GNAI1: variants seen among roughly 807,000 people sequenced by gnomAD.
GNAI1 encodes the protein guanine nucleotide-binding protein G(i) subunit alpha-1.
GNAI1 carries 11 observed loss-of-function variants against 38.9 expected under a neutral mutation model. That is an observed-to-expected ratio of 0.28 (90% confidence interval 0.18 to 0.47). The LOEUF (loss-of-function observed/expected upper bound fraction) is 0.47. Ranked by LOEUF, GNAI1 falls within the 20% of genes least tolerant of loss-of-function variation. The pLI, the probability that GNAI1 is intolerant of heterozygous loss-of-function variation, is 0.99. For synonymous variants in GNAI1, 166 were observed against 145.1 expected (o/e 1.14, Z -1.04); for missense variants, 317 against 436.9 (o/e 0.73, Z 2.45).
rs564186731 is a variant in GNAI1 at position 80,164,289 on chromosome 7, C to T, written c.119-24662C>T. On this transcript the variant is annotated intron_variant, in intron 1 of 7. Coordinates refer to ENST00000649796, the MANE Select transcript of GNAI1 (RefSeq NM_002069.6). ...CATCTCTTGACCTCGTGAGCTGCCA[C>T]CTCGGCCTCCCAAAGTGCTGGGATT... Among the ~76,000 whole-genome samples, 11 of 151,006 alleles carry T rather than the reference C, an allele frequency of 7.3e-5. No homozygotes were observed. In the East Asian group the frequency reaches 1.8e-3, roughly 24 times the overall value.
intron 1 of GNAI1, among the ~76,000 whole-genome samples, chr7:80,157,101 ACTC>A (rs1384970260): frequency 6.6e-6 from 1 of 152,030 alleles, no homozygotes; most frequent in East Asian, 1.9e-4. Flanking sequence ...AATCCTCTGT[ACTC>A]CTCGTATTTA....
In GNAI1 at chr7:80,189,216, T is replaced by A. The variant is rs1383390905; in HGVS notation, c.288T>A (p.Gly96=). 6.2e-7 allele frequency: 1 copy of A among 1,610,186 alleles called. No individual in the cohort carries two copies. Among genetic ancestry groups the A allele is most frequent in the Non-Finnish European group, 8.5e-7 (1 of 1,178,976 alleles). Reference sequence around the variant, plus strand: ...TGGGGAGGTTGAAGATAGACTTTGGTGACTCAGCCCGGGCGGTAAGTTATT... The same window carrying A: ...TGGGGAGGTTGAAGATAGACTTTGGAGACTCAGCCCGGGCGGTAAGTTATT... ...RAMGRLKIDF[G]DSARADDARQ... The change falls in exon 3 of 8, where the codon GGT becomes GGA. Residue 96 remains glycine, a synonymous_variant. Transcript: ENST00000649796.
At chr7:80,142,561 T>A (rs1031076875) in intron 1 of GNAI1, among the ~76,000 whole-genome samples, 2 of 152,244 alleles carry the variant, frequency 1.3e-5, no homozygotes, top group African/African-American at 4.8e-5. Context: ...AGAGCATGAA[T>A]CTTGTCAGAC....
In GNAI1 at chr7:80,219,928, T is replaced by G. The variant is rs1290484204; in HGVS notation, c.*2435T>G. ...AGCCTTAAATCTGTTTTTTGTTTGTTTTCCTTTCTATTCCTACTACTACCT... is the reference window on the plus strand; with the variant it reads ...AGCCTTAAATCTGTTTTTTGTTTGTGTTCCTTTCTATTCCTACTACTACCT... On this transcript the variant is annotated 3_prime_UTR_variant, in exon 8 of 8. Coordinates refer to ENST00000649796, the MANE Select transcript of GNAI1 (RefSeq NM_002069.6). Among the ~76,000 whole-genome samples the G allele has an allele frequency of 1.3e-5, 2 of 152,172 alleles. No homozygotes were observed. The highest frequency in any genetic ancestry group is 2.9e-5 in the Non-Finnish European group (2 of 68,034).
chr7:80,192,828 A>G (rs1788506271), intron 3 of GNAI1, among the ~76,000 whole-genome samples: 1 of 151,356 alleles, frequency 6.6e-6, no homozygotes, highest in Non-Finnish European at 1.5e-5. Context: ...CCGAGTAGCT[A>G]GGATTGCAGG....
At chr7:80,178,224 T>C (rs1788225669) in intron 1 of GNAI1, among the ~76,000 whole-genome samples, 1 of 152,176 alleles carries the variant, frequency 6.6e-6, no homozygotes. Context: ...ACAAAGAAAA[T>C]GGTTTCTTGA....
In GNAI1 at chr7:80,137,002, A is replaced by G. The variant is rs1010647381; in HGVS notation, c.118+1724A>G. ...TTTGTTCTCCAGGTTGTTTTTGTGC[A>G]TTGTAGGATGTTCAGCAGCATCTTT... is the stretch of plus-strand genomic sequence containing the variant. On this transcript the variant is annotated intron_variant, in intron 1 of 7. Transcript: ENST00000649796. Among the ~76,000 whole-genome samples the G allele has an allele frequency of 2.6e-5, 4 of 152,092 alleles. No individual in the cohort carries two copies. The East Asian group carries it at 7.7e-4, about 29-fold the overall frequency.
chr7:80,163,041 A>G (rs184072242), intron 1 of GNAI1, among the ~76,000 whole-genome samples: 4 of 152,286 alleles, frequency 2.6e-5, no homozygotes, highest in East Asian at 3.9e-4. Context: ...GATTCAAGGA[A>G]GACTTAGAGG....
At chr7:80,212,483 A>T (rs1170076904) in intron 6 of GNAI1, among the ~76,000 whole-genome samples, 1 of 152,214 alleles carries the variant, frequency 6.6e-6, no homozygotes, top group East Asian at 1.9e-4. Flanking sequence ...ACAGAGCATG[A>T]CATATAGTGG....
chr7:80,217,434 T>C lies in GNAI1; in HGVS notation c.1006T>C (p.Phe336Leu), dbSNP rs770033700. 6.2e-7 allele frequency: 1 copy of C among 1,611,218 alleles called. No homozygotes were observed. The highest frequency in any genetic ancestry group is 1.7e-4 in the Middle Eastern group (1 of 6,042). The change falls in exon 8 of 8, where the codon TTT (phenylalanine) becomes CTT (leucine). Residue 336 changes from phenylalanine to leucine, a missense_variant. Physicochemically the swap from Phe to Leu is conservative, Grantham distance 22 (BLOSUM62 0). Transcript: ENST00000649796. Reference protein sequence around the residue: ...ATDTKNVQFVFDAVTDVIIKN... With the variant: ...ATDTKNVQFVLDAVTDVIIKN... ...AGATACTAAGAATGTGCAGTTTGTT[T>C]TTGATGCTGTAACAGATGTCATCAT... is the stretch of plus-strand genomic sequence containing the variant.
chr7:80,139,764 C>G (rs1787489881), intron 1 of GNAI1, among the ~76,000 whole-genome samples: 2 of 152,132 alleles, frequency 1.3e-5, no homozygotes, highest in South Asian at 2.1e-4. Flanking sequence ...CATCTAAAAT[C>G]AAATTGTTTG....
At position 80,193,649 on chromosome 7, in the gene GNAI1, A is replaced by G. The variant is rs1257880247; in HGVS notation, c.303+4418A>G. 3.3e-5 allele frequency among the ~76,000 whole-genome samples: 5 copies of G among 152,312 alleles called. No individual in the cohort carries two copies. The East Asian group carries it at 7.7e-4, about 24-fold the overall frequency. On this transcript the variant is annotated intron_variant, in intron 3 of 7. Transcript: ENST00000649796. ...GAGCTGTTCAAAATGTGATTCATGG[A>G]CTTGTGGACTAGTGCCTGTCCACAA...
At chr7:80,198,023 A>G (rs1788610588) in intron 3 of GNAI1, among the ~76,000 whole-genome samples, 1 of 152,044 alleles carries the variant, frequency 6.6e-6, no homozygotes, top group South Asian at 2.1e-4. Context: ...TCTCAAGTTA[A>G]GGAGAATCTC....
chr7:80,154,444 T>TCC (rs1161652720), intron 1 of GNAI1, among the ~76,000 whole-genome samples: 1 of 152,176 alleles, frequency 6.6e-6, no homozygotes, highest in Non-Finnish European at 1.5e-5. Context: ...GCTGTAATCT[T>TCC]CCCCAAGTTC....
rs114226198 is a variant in GNAI1, at chr7:80,165,812, C to G, written c.119-23139C>G. 2.5e-3 allele frequency among the ~76,000 whole-genome samples: 386 copies of G among 152,130 alleles called. 4 individuals are homozygous for G. The highest frequency in any genetic ancestry group is 9.0e-3 in the African/African-American group (375 of 41,530). On this transcript the variant is annotated intron_variant, in intron 1 of 7. Coordinates refer to ENST00000649796, the MANE Select transcript of GNAI1 (RefSeq NM_002069.6). The stretch of plus-strand genomic sequence containing the variant: ...CAAAATTTCTGATTTGGAAATAAAT[C>G]ATAGATAAAAAATCAAGGTTAATAT...
Position 80,218,726 on chromosome 7 carries a change from C to G in GNAI1, c.*1233C>G, listed in dbSNP as rs1022610929. ...TTATATCATTTCTTTTTCAATTATA[C>G]TATTATTTCTGAGAATGAAATGGAC... On this transcript the variant is annotated 3_prime_UTR_variant, in exon 8 of 8. Transcript: ENST00000649796. The G allele has an allele frequency of 2.0e-5, 3 of 151,864 alleles. No individual in the cohort carries two copies. Among genetic ancestry groups the G allele is most frequent in the African/African-American group, 7.3e-5 (3 of 41,326 alleles). The allele number at this position is 151,864 out of a possible 1,614,324, so 9.4% of individuals were successfully genotyped here. A position where few individuals can be genotyped will look rare whatever the true frequency, so the allele number is the denominator to read the frequency against.
intron 1 of GNAI1, among the ~76,000 whole-genome samples, chr7:80,151,597 A>AC (rs1373521906): frequency 6.6e-6 from 1 of 152,070 alleles, no homozygotes; most frequent in Non-Finnish European, 1.5e-5. Context: ...GGGTGCTCCC[A>AC]CCCCCAGTGG....
At chr7:80,183,738 C>G (rs989094536) in intron 1 of GNAI1, among the ~76,000 whole-genome samples, 1 of 152,082 alleles carries the variant, frequency 6.6e-6, no homozygotes, top group African/African-American at 2.4e-5. Flanking sequence ...TACCCCCAAC[C>G]AAATCAGAGG....
chr7:80,205,016 C>G (rs1405303464), intron 5 of GNAI1, among the ~76,000 whole-genome samples: 1 of 151,978 alleles, frequency 6.6e-6, no homozygotes, highest in East Asian at 1.9e-4. Context: ...TTTTTAAAAT[C>G]TGCTAGTTTC....
Sources: allele counts gnomAD v4.1 joint callset (sites outside exome capture counted in the v4.1 genomes callset), GRCh38; gene constraint gnomAD v4.1.1; transcripts MANE v1.5; gene names NCBI Gene and HGNC (gene_info 2026-07-23, HGNC 2026-07-21).